DIAPH1: variants seen among roughly 807,000 people sequenced by gnomAD.
The protein encoded by DIAPH1 is protein diaphanous homolog 1.
A neutral mutation model predicts 140.7 loss-of-function variants in DIAPH1; 46 were observed. That is an observed-to-expected ratio of 0.33 (90% CI 0.26 to 0.42). The LOEUF is 0.42. Ranked by LOEUF, DIAPH1 falls within the 10% of genes least tolerant of loss-of-function variation. The probability of loss-of-function intolerance (pLI) is 1.00; values close to 1 mark genes in which losing one functional copy is unlikely to be tolerated. For synonymous variants in DIAPH1, 565 were observed against 551.6 expected, an observed-to-expected ratio of 1.02 and a Z score of -0.34; for missense variants, 1,310 against 1,558.7, an observed-to-expected ratio of 0.84 and a Z score of 2.69.
chr5:141,573,395 A>C (rs2154596253), intron 16 of DIAPH1, 97 bp downstream of exon 16: 2 of 1,436,882 alleles, frequency 1.4e-6, no homozygotes, highest in East Asian at 4.7e-5. Flanking sequence ...AGATCGCACC[A>C]CTGCACTCCA....
chr5:141,616,393 G>A (rs926887081), intron 1 of DIAPH1, among the ~76,000 whole-genome samples: 10 of 152,198 alleles, frequency 6.6e-5, no homozygotes, highest in Admixed American at 4.6e-4. Flanking sequence ...GTTTTATACA[G>A]TACATTCTTA....
At chr5:141,564,679 A>G (rs1171263748) in intron 18 of DIAPH1, 1 of 152,258 alleles carries the variant, frequency 6.6e-6, no homozygotes, top group Non-Finnish European at 1.5e-5. Flanking sequence ...TCAGACCAAA[A>G]CAAACAAAAT....
At chr5:141,555,897 C>A (rs2099892495) in intron 18 of DIAPH1, among the ~76,000 whole-genome samples, 2 of 152,148 alleles carry the variant, frequency 1.3e-5, no homozygotes, top group Non-Finnish European at 2.9e-5. Flanking sequence ...CCAAACTAGA[C>A]ATGGGGCCAA....
At position 141,515,536 on chromosome 5, in the gene DIAPH1, A is replaced by G. The variant is rs146081073; in HGVS notation, c.*1315T>C. The stretch of plus-strand genomic sequence containing the variant: ...GCAGCTTCCTGTGGTTGGGGCCACC[A>G]AACAGTTCAGTGTGCCCACCCACTT... On this transcript the variant is annotated 3_prime_UTR_variant, in exon 28 of 28. Coordinates refer to ENST00000389054, the MANE Select transcript of DIAPH1 (RefSeq NM_005219.5). 2 of 152,382 alleles carry G rather than the reference A, an allele frequency of 1.3e-5. No homozygotes were observed. The highest frequency in any genetic ancestry group is 2.9e-5 in the Non-Finnish European group (2 of 68,052). 9.4% of individuals were successfully genotyped at this position (152,382 alleles called of 1,614,324 possible).
intron 15 of DIAPH1, 123 bp downstream of exon 15, chr5:141,574,844 C>A: frequency 9.6e-7 from 1 of 1,043,488 alleles, no homozygotes; most frequent in Non-Finnish European, 1.5e-6. Flanking sequence ...AAAATATGCA[C>A]CATGTAACTA....
At chr5:141,575,659 CAAATAA>C (rs1235427488) in intron 14 of DIAPH1, among the ~76,000 whole-genome samples, 3 of 150,444 alleles carry the variant, frequency 2.0e-5, no homozygotes. Flanking sequence ...AAAAAAAAAA[CAAATAA>C]AAATAAAAAT....
chr5:141,585,878 A>T (rs1191515726), intron 3 of DIAPH1, among the ~76,000 whole-genome samples: 4 of 152,210 alleles, frequency 2.6e-5, no homozygotes, highest in African/African-American at 7.2e-5. Context: ...ACTGGTTTTT[A>T]AAAAAATGAC....
chr5:141,540,731 A>G (rs1277282052), intron 18 of DIAPH1, among the ~76,000 whole-genome samples: 1 of 151,746 alleles, frequency 6.6e-6, no homozygotes, highest in Non-Finnish European at 1.5e-5. Flanking sequence ...AAAATTTTTA[A>G]ACAGACATGT....
chr5:141,572,001 T>C lies in DIAPH1; in HGVS notation c.2398A>G (p.Lys800Glu). 1.2e-6 allele frequency: 2 copies of C among 1,614,200 alleles called. No homozygotes were observed. The highest frequency in any genetic ancestry group is 1.7e-6 in the Non-Finnish European group (2 of 1,180,040). The change falls in exon 17 of 28, where the codon AAG becomes GAG. Residue 800 changes from lysine to glutamate, a missense_variant. Physicochemically the swap from Lys to Glu is moderately conservative, Grantham distance 56. Around this residue, in one of 3 missense-constraint regions of DIAPH1, gnomAD observed 589 missense variants for 549.3 expected, o/e 1.07. Coordinates refer to ENST00000389054, the MANE Select transcript of DIAPH1 (RefSeq NM_005219.5). Reference sequence around the variant, plus strand: ...TTCTCAAAGCGGTCCTCCTTCACCTTTGTCCAGAAGCAGTCCTGGGAGAGG... The same window carrying C: ...TTCTCAAAGCGGTCCTCCTTCACCTCTGTCCAGAAGCAGTCCTGGGAGAGG... ...EDLSQDCFWT[K>E]VKEDRFENNE...
At chr5:141,572,093 C>T (rs1184688186) in intron 16 of DIAPH1, 53 bp from the exon 17 acceptor site, 11 of 1,320,780 alleles carry the variant, frequency 8.3e-6, no homozygotes, top group Non-Finnish European at 1.2e-5. Context: ...CTGTACTTTC[C>T]GTCCTAGAAA....
Position 141,526,157 on chromosome 5 carries a change from T to C in DIAPH1, c.3455A>G (p.Asn1152Ser). The C allele has an allele frequency of 6.2e-7, 1 of 1,614,116 alleles. No individual in the cohort carries two copies. Residue 1152 changes from asparagine to serine, a missense_variant, in exon 26 of 28, where the codon AAC (asparagine) becomes AGC (serine). By Grantham distance (46) the Asn-to-Ser change is conservative (BLOSUM62 1). This residue lies in a region of DIAPH1 where 344 missense variants were observed against 512.2 expected (regional missense o/e 0.67). Coordinates refer to ENST00000389054, the MANE Select transcript of DIAPH1 (RefSeq NM_005219.5). ...TTCTTCTGTCTCCCGCCGCTTCTGG[T>C]TCTCCTTGACTGCTTGCTGGGGCAG... is the stretch of plus-strand genomic sequence containing the variant. ...RNMFLQAVKENQKRRETEEKM... is the reference protein window; with the variant it reads ...RNMFLQAVKESQKRRETEEKM...
intron 8 of DIAPH1, among the ~76,000 whole-genome samples, chr5:141,579,858 G>C (rs1415574093): frequency 6.6e-6 from 1 of 151,418 alleles, no homozygotes; most frequent in African/African-American, 2.4e-5. Context: ...TGAGGAAGGA[G>C]AATCGCTTGA....
chr5:141,528,376 C>T (rs192457005), intron 23 of DIAPH1, 77 bp downstream of exon 23: 1 of 1,601,942 alleles, frequency 6.2e-7, no homozygotes, highest in East Asian at 2.2e-5. Context: ...TGAAAATGCT[C>T]TCACATCTAG....
Position 141,555,103 on chromosome 5 carries a change from AAAG to A in DIAPH1, c.2482+16322_2482+16324del, listed in dbSNP as rs1456130305. On this transcript the variant is annotated intron_variant, in intron 18 of 27. Coordinates refer to ENST00000389054, the MANE Select transcript of DIAPH1 (RefSeq NM_005219.5). ...TGAGTTGTACACTTCGACCTGAAAT[AAAG>A]AAGAACTAAGATACACACACACGTC... 5.3e-5 allele frequency among the ~76,000 whole-genome samples: 8 copies of A among 152,222 alleles called. No homozygotes were observed. In the East Asian group the frequency reaches 1.3e-3, roughly 26 times the overall value.
chr5:141,553,820 G>A (rs1256176523), intron 18 of DIAPH1, among the ~76,000 whole-genome samples: 1 of 152,058 alleles, frequency 6.6e-6, no homozygotes, highest in Non-Finnish European at 1.5e-5. Context: ...GTAGCAGAGG[G>A]GATTCACGAA....
chr5:141,615,548 T>C (rs931790110), intron 1 of DIAPH1, among the ~76,000 whole-genome samples: 4 of 151,478 alleles, frequency 2.6e-5, no homozygotes, highest in African/African-American at 9.7e-5. Flanking sequence ...GACAACATCC[T>C]GGCTAACACG....
intron 13 of DIAPH1, 114 bp from the exon 14 acceptor site, chr5:141,576,408 G>A (rs1255463355): frequency 5.5e-6 from 5 of 907,044 alleles, no homozygotes; most frequent in Middle Eastern, 2.3e-4. Context: ...CTTTCTTAAT[G>A]TTCTGCACTA....
chr5:141,591,695 G>GATAGATATATATATATATATATAT (rs1554210985), intron 1 of DIAPH1, among the ~76,000 whole-genome samples: 3 of 86,324 alleles, frequency 3.5e-5, no homozygotes, highest in African/African-American at 1.7e-4. Flanking sequence ...GGGAGATGGG[G>GATAGATATATATATATATATATAT]ATATATATAT....
rs1171153541 is a variant in DIAPH1 at position 141,618,798 on chromosome 5, A to G, written c.117T>C (p.Phe39=). 1.9e-6 allele frequency: 3 copies of G among 1,554,444 alleles called. No homozygotes were observed. The highest frequency in any genetic ancestry group is 1.7e-6 in the Non-Finnish European group (2 of 1,149,012). Reference sequence around the variant, plus strand: ...GGAGCGGGATGGGAGGGACACTCACAAATTTCTTAGATTTGCCGCCGTCGC... The same window carrying G: ...GGAGCGGGATGGGAGGGACACTCACGAATTTCTTAGATTTGCCGCCGTCGC... ...AGGDGGKSKK[F]TLKRLMADEL... is the part of the protein sequence containing the mutation. Residue 39 remains phenylalanine, a splice_region_variant and synonymous_variant, in exon 1 of 28, where the codon TTT becomes TTC. Coordinates refer to ENST00000389054, the MANE Select transcript of DIAPH1 (RefSeq NM_005219.5).
Sources: allele counts gnomAD v4.1 joint callset (sites outside exome capture counted in the v4.1 genomes callset), GRCh38; gene constraint gnomAD v4.1.1; regional missense constraint gnomAD v4.1.1; transcripts MANE v1.5; gene names NCBI Gene and HGNC (gene_info 2026-07-23, HGNC 2026-07-21).